The following HHIPL1 variants were observed in gnomAD, a reference collection of about 807,000 sequenced individuals.
HHIPL1 encodes HHIP like 1.
In HHIPL1, 43 loss-of-function variants were observed where a neutral mutation model predicts 61.8. The ratio of observed to expected loss-of-function variants is 0.70; its 90% CI spans 0.55 to 0.90. The LOEUF (loss-of-function observed/expected upper bound fraction) is 0.90. Ranked by LOEUF, HHIPL1 falls within the 40% of genes least tolerant of loss-of-function variation. HHIPL1 has a pLI of 0.00. For missense variants in HHIPL1, 1,056 were observed against 1,157.7 expected, an observed-to-expected ratio of 0.91 and a Z score of 1.28; for synonymous variants, 482 against 515.8, an observed-to-expected ratio of 0.93 and a Z score of 0.89.
chr14:99,614,748 G>A, the HHIPL1 span, among the ~76,000 whole-genome samples: 1 of 152,184 alleles, frequency 6.6e-6, no homozygotes, highest in African/African-American at 2.4e-5. Flanking sequence ...ATCCTCAAAT[G>A]TGCTACTTCG....
chr14:99,634,560 G>A, the HHIPL1 span, among the ~76,000 whole-genome samples: 1 of 152,202 alleles, frequency 6.6e-6, no homozygotes, highest in Admixed American at 6.5e-5. Flanking sequence ...CCAGCTCCTG[G>A]GAAGAGCACT....
the HHIPL1 span, among the ~76,000 whole-genome samples, chr14:99,607,289 C>T: frequency 6.6e-6 from 1 of 152,094 alleles, no homozygotes; most frequent in Non-Finnish European, 1.5e-5. Flanking sequence ...ATCCAATTCT[C>T]CTGCCTCAGT....
At chr14:99,637,031 GA>G in the HHIPL1 span, among the ~76,000 whole-genome samples, 1 of 99,760 alleles carries the variant, frequency 1.0e-5, no homozygotes, top group African/African-American at 3.8e-5. Context: ...AAGAAAGAAA[GA>G]AAGAAAGAAA....
chr14:99,676,443 C>A lies in HHIPL1; in HGVS notation c.*817C>A. 1 of 152,454 alleles carries A rather than the reference C, an allele frequency of 6.6e-6. No individual in the cohort carries two copies. The highest frequency in any genetic ancestry group is 1.5e-5 in the Non-Finnish European group (1 of 68,138). The allele number at this position is 152,454 out of a possible 1,614,324, so 9.4% of individuals were successfully genotyped here. A position where few individuals can be genotyped will look rare whatever the true frequency, so the allele number is the denominator to read the frequency against. ...GCAGAAGCCACCCACACTAGCTGGG[C>A]AGAGCTTTCACCCTGGCCCTCCAGT... On this transcript the variant is annotated 3_prime_UTR_variant, in exon 9 of 9. Transcript: ENST00000330710.
At chr14:99,643,495 T>C (rs1378050993), upstream of HHIPL1, among the ~76,000 whole-genome samples, 2 of 152,238 alleles carry the variant, frequency 1.3e-5, no homozygotes, top group East Asian at 3.8e-4. Context: ...ACATTTTCTG[T>C]GGCTGTAGGA....
chr14:99,616,121 T>C, the HHIPL1 span, among the ~76,000 whole-genome samples: 1 of 152,158 alleles, frequency 6.6e-6, no homozygotes, highest in Non-Finnish European at 1.5e-5. Context: ...TCAGATAATA[T>C]TGTGTTCTTA....
the HHIPL1 span, among the ~76,000 whole-genome samples, chr14:99,614,229 C>T: frequency 5.3e-5 from 8 of 152,208 alleles, no homozygotes; most frequent in African/African-American, 9.6e-5. Context: ...ATGCTCTCCT[C>T]GAGAAAGGGC....
Position 99,645,167 on chromosome 14 carries a change from G to C in HHIPL1, c.-41G>C, listed in dbSNP as rs963152877. 3.0e-4 allele frequency: 376 copies of C among 1,258,018 alleles called. No homozygotes were observed. Among genetic ancestry groups the C allele is most frequent in the Non-Finnish European group, 3.1e-4 (309 of 1,002,086 alleles). The allele number at this position is 1,258,018 out of a possible 1,614,324, so 77.9% of individuals were successfully genotyped here. On this transcript the variant is annotated 5_prime_UTR_variant, in exon 1 of 9. Transcript: ENST00000330710. Reference sequence around the variant, plus strand: ...CCGCGAGCGCCCCGGGAGGGGACCGGGGCTGCCGTCCCTCCGCCTCTTCCC... The same window carrying C: ...CCGCGAGCGCCCCGGGAGGGGACCGCGGCTGCCGTCCCTCCGCCTCTTCCC...
chr14:99,641,595 G>A (rs528448412), upstream of HHIPL1, among the ~76,000 whole-genome samples: 11 of 150,912 alleles, frequency 7.3e-5, no homozygotes, highest in African/African-American at 1.9e-4. Flanking sequence ...TTGTATTTTT[G>A]TAGAGCGGGG....
the HHIPL1 span, among the ~76,000 whole-genome samples, chr14:99,605,695 G>A: frequency 1.3e-5 from 2 of 152,260 alleles, no homozygotes; most frequent in Admixed American, 6.5e-5. Context: ...ATTAAGTCGA[G>A]CTGCTGTCAT....
At chr14:99,611,585 CTTTT>C in the HHIPL1 span, among the ~76,000 whole-genome samples, 146 of 130,136 alleles carry the variant, frequency 1.1e-3, no homozygotes, top group South Asian at 2.7e-3. Flanking sequence ...CGTGCCTGGC[CTTTT>C]TTTTTTTTTT....
the HHIPL1 span, among the ~76,000 whole-genome samples, chr14:99,638,249 C>T: frequency 3.9e-5 from 6 of 152,164 alleles, no homozygotes; most frequent in Admixed American, 2.0e-4. Flanking sequence ...CACATTCTCC[C>T]GCTGCAGCTA....
In HHIPL1 at chr14:99,675,658, G is replaced by A. The variant is rs1298642473; in HGVS notation, c.*32G>A. 23 of 1,475,404 alleles carry A rather than the reference G, an allele frequency of 1.6e-5. No individual in the cohort carries two copies. The South Asian group carries it at 2.9e-4, about 19-fold the overall frequency. 91.4% of individuals were successfully genotyped at this position (1,475,404 alleles called of 1,614,324 possible). ...CGCCGCTGCCCCAGGCCATCCCGCC[G>A]GCGGGGGAGCCTGGCAGGGGCCGCT... On this transcript the variant is annotated 3_prime_UTR_variant, in exon 9 of 9. Transcript: ENST00000330710. The surrounding 1 kb of genome is among the most constrained non-coding windows in gnomAD (Gnocchi z 5.4).
the HHIPL1 span, among the ~76,000 whole-genome samples, chr14:99,604,772 C>A: frequency 1.3e-5 from 2 of 152,184 alleles, no homozygotes; most frequent in Non-Finnish European, 2.9e-5. Flanking sequence ...GGCGACGGCG[C>A]CCCTTCTCCC....
At chr14:99,626,491 G>T in the HHIPL1 span, among the ~76,000 whole-genome samples, 1 of 152,166 alleles carries the variant, frequency 6.6e-6, no homozygotes, top group Non-Finnish European at 1.5e-5. Context: ...TCCACTCTGG[G>T]CTTGGAGGTC....
At chr14:99,624,280 G>A in the HHIPL1 span, among the ~76,000 whole-genome samples, 1 of 152,178 alleles carries the variant, frequency 6.6e-6, no homozygotes, top group Non-Finnish European at 1.5e-5. Context: ...TCGGGCCTGG[G>A]TTCAGGAGCA....
Position 99,660,172 on chromosome 14 carries a change from C to T in HHIPL1, c.1376-108C>T, listed in dbSNP as rs185391204. On this transcript the variant is annotated intron_variant, in intron 4 of 8. Coordinates refer to ENST00000330710, the MANE Select transcript of HHIPL1 (RefSeq NM_001127258.3). The surrounding 1 kb of genome is among the most constrained non-coding windows in gnomAD (Gnocchi z 4.9). ...ACGCCAGCCCTGCTGTGGGCACGCC[C>T]CTCCCTCCGTGGCCGCCCCACCCCC... The T allele has an allele frequency of 7.4e-4, 992 of 1,333,598 alleles. 22 individuals carry two copies. In the East Asian group the frequency reaches 0.024, roughly 33 times the overall value. 82.6% of individuals were successfully genotyped at this position (1,333,598 alleles called of 1,614,324 possible). A position where few individuals can be genotyped will look rare whatever the true frequency, so the allele number is the denominator to read the frequency against.
the HHIPL1 span, among the ~76,000 whole-genome samples, chr14:99,633,883 T>C: frequency 2.0e-5 from 3 of 152,206 alleles, no homozygotes; most frequent in African/African-American, 7.2e-5. Flanking sequence ...GGCATTGCCC[T>C]CTCTCCCCCG....
At chr14:99,604,767 C>T in the HHIPL1 span, among the ~76,000 whole-genome samples, 1 of 152,120 alleles carries the variant, frequency 6.6e-6, no homozygotes, top group Non-Finnish European at 1.5e-5. Flanking sequence ...ATCCGGGCGA[C>T]GGCGCCCCTT....
Sources: gnomAD v4.1 joint callset for allele counts (sites outside exome capture counted in the v4.1 genomes callset) on GRCh38, gnomAD v4.1.1 for gene constraint, Gnocchi (gnomAD v3.1) non-coding constraint, MANE v1.5 for transcripts, NCBI Gene and HGNC (gene_info 2026-07-23, HGNC 2026-07-21) for gene names.